Variants in PTPRD observed in about 807,000 individuals in gnomAD.
PTPRD encodes the protein protein tyrosine phosphatase receptor type D.
A neutral mutation model predicts 214.5 loss-of-function variants in PTPRD; 34 were observed. The ratio of observed to expected loss-of-function variants is 0.16; its 90% CI spans 0.12 to 0.21. PTPRD has a LOEUF of 0.21. Ranked by LOEUF, PTPRD falls within the 10% of genes least tolerant of loss-of-function variation. The pLI is 1.00. For missense variants in PTPRD, 2,545 were observed against 2,398.7 expected (o/e 1.06, Z -1.27); for synonymous variants, 1,128 against 845.7 (o/e 1.33, Z -5.79).
chr9:8,533,142 T>C (rs531236052), intron 14 of PTPRD, among the ~76,000 whole-genome samples: 1 of 152,186 alleles, frequency 6.6e-6, no homozygotes, highest in South Asian at 2.1e-4. Context: ...ACGATGCTCT[T>C]ACTTTCACTC....
chr9:9,488,456 G>A (rs1247907946), intron 8 of PTPRD, among the ~76,000 whole-genome samples: 5 of 152,176 alleles, frequency 3.3e-5, no homozygotes, highest in Admixed American at 6.5e-5. Context: ...AGCAACTGGA[G>A]AATAGTGTTT....
intron 14 of PTPRD, among the ~76,000 whole-genome samples, chr9:8,536,530 C>T (rs1000916990): frequency 2.6e-5 from 4 of 151,876 alleles, no homozygotes; most frequent in Non-Finnish European, 4.4e-5. Flanking sequence ...AGAATTCTGC[C>T]ATGTCTGTTA....
chr9:8,496,521 T>C (rs983556156), intron 26 of PTPRD, among the ~76,000 whole-genome samples: 1 of 152,184 alleles, frequency 6.6e-6, no homozygotes, highest in Non-Finnish European at 1.5e-5. Flanking sequence ...ATAAATAACA[T>C]AGAGTTTTCA....
intron 12 of PTPRD, among the ~76,000 whole-genome samples, chr9:8,643,745 C>A (rs994520740): frequency 2.6e-5 from 4 of 152,228 alleles, no homozygotes; most frequent in Non-Finnish European, 5.9e-5. Flanking sequence ...CTCAGCACCC[C>A]CAGACTTTAG....
intron 9 of PTPRD, among the ~76,000 whole-genome samples, chr9:9,362,249 C>T (rs925858046): frequency 1.3e-5 from 2 of 150,904 alleles, no homozygotes; most frequent in Admixed American, 6.6e-5. Context: ...CAAAAGCTTC[C>T]GTATTTATGA....
At chr9:10,316,350 TA>T (rs2096432372) in intron 3 of PTPRD, among the ~76,000 whole-genome samples, 1 of 151,818 alleles carries the variant, frequency 6.6e-6, no homozygotes, top group African/African-American at 2.4e-5. Flanking sequence ...TTAGTTATAG[TA>T]ACAGAAGACA....
intron 2 of PTPRD, among the ~76,000 whole-genome samples, chr9:10,495,203 G>C (rs987570621): frequency 2.6e-5 from 4 of 151,806 alleles, no homozygotes; most frequent in Non-Finnish European, 2.9e-5. Flanking sequence ...ATGGAGTAGA[G>C]TTATCAGAAA....
At chr9:9,450,651 T>C (rs1372500285) in intron 8 of PTPRD, among the ~76,000 whole-genome samples, 1 of 151,864 alleles carries the variant, frequency 6.6e-6, no homozygotes, top group African/African-American at 2.4e-5. Flanking sequence ...ATTTACATAA[T>C]GAAAATGTTT....
chr9:10,074,901 T>C (rs993803013), intron 3 of PTPRD, among the ~76,000 whole-genome samples: 1 of 152,168 alleles, frequency 6.6e-6, no homozygotes, highest in Non-Finnish European at 1.5e-5. Context: ...AACCTCTTTA[T>C]GAAAGATTTT....
intron 14 of PTPRD, among the ~76,000 whole-genome samples, chr9:8,566,066 C>G (rs1389931167): frequency 6.7e-6 from 1 of 148,188 alleles, no homozygotes; most frequent in African/African-American, 2.5e-5. Context: ...ACTGAAAATA[C>G]TTCCGCTGAA....
rs1280126295 is a variant in PTPRD at position 9,202,755 on chromosome 9, C to T, written c.-202-19392G>A. On this transcript the variant is annotated intron_variant, in intron 9 of 45. Transcript: ENST00000381196. ...GTAACCTGAGGACATGCTCAGTTAGCACTGAACACAACTGTTCAGTTATGG... is the reference window on the plus strand; with the variant it reads ...GTAACCTGAGGACATGCTCAGTTAGTACTGAACACAACTGTTCAGTTATGG... Among the ~76,000 whole-genome samples the T allele has an allele frequency of 2.9e-4, 44 of 152,198 alleles. 1 individual carries two copies. The highest frequency in any genetic ancestry group is 2.9e-3 in the Admixed American group (44 of 15,280).
At chr9:9,066,119 T>C (rs987742400) in intron 10 of PTPRD, among the ~76,000 whole-genome samples, 2 of 146,246 alleles carry the variant, frequency 1.4e-5, no homozygotes, top group Admixed American at 1.4e-4. Context: ...TGAAAATGAC[T>C]GAAGTTAATA....
intron 9 of PTPRD, among the ~76,000 whole-genome samples, chr9:9,218,599 G>T (rs533419511): frequency 2.0e-5 from 3 of 152,072 alleles, no homozygotes; most frequent in Non-Finnish European, 4.4e-5. Context: ...AAGTCCTTTG[G>T]TAACATATAT....
chr9:10,182,311 C>T (rs1017688222), intron 3 of PTPRD, among the ~76,000 whole-genome samples: 2 of 142,666 alleles, frequency 1.4e-5, no homozygotes, highest in Admixed American at 1.4e-4. Flanking sequence ...GCATTTACTG[C>T]ATCAAAATGA....
chr9:8,814,793 G>T (rs1472662113), intron 11 of PTPRD, among the ~76,000 whole-genome samples: 1 of 152,166 alleles, frequency 6.6e-6, no homozygotes, highest in Admixed American at 6.5e-5. Flanking sequence ...GTATGAGATA[G>T]ACAAAGGCTA....
rs1470027130 is a variant in PTPRD at position 9,149,368 on chromosome 9, G to T, written c.-143+33936C>A. ...TTTGCAATGTAGTGGTGGTGGTAAG[G>T]CAACAAAGATATGCAGAGAAAGATG... On this transcript the variant is annotated intron_variant, in intron 10 of 45. Coordinates refer to ENST00000381196, the MANE Select transcript of PTPRD (RefSeq NM_002839.4). Among the ~76,000 whole-genome samples the T allele has an allele frequency of 5.3e-5, 8 of 152,112 alleles. No homozygotes were observed. The East Asian group carries it at 1.4e-3, about 26-fold the overall frequency.
Position 8,735,773 on chromosome 9 carries a change from G to A in PTPRD, c.-103-1827C>T, listed in dbSNP as rs112141746. Among the ~76,000 whole-genome samples, 933 of 152,062 alleles carry A rather than the reference G, an allele frequency of 6.1e-3. 4 individuals are homozygous for A. Among genetic ancestry groups the A allele is most frequent in the African/African-American group, 0.021 (857 of 41,480 alleles). Reference sequence around the variant, plus strand: ...AAAAACACAAAAAAATTAGCCAGGCGTGGTGGTGCATACCTGTAATCCCAG... The same window carrying A: ...AAAAACACAAAAAAATTAGCCAGGCATGGTGGTGCATACCTGTAATCCCAG... On this transcript the variant is annotated intron_variant, in intron 11 of 45. Coordinates refer to ENST00000381196, the MANE Select transcript of PTPRD (RefSeq NM_002839.4).
At chr9:10,221,302 C>A (rs1167228044) in intron 3 of PTPRD, among the ~76,000 whole-genome samples, 1 of 152,020 alleles carries the variant, frequency 6.6e-6, no homozygotes, top group Non-Finnish European at 1.5e-5. Context: ...CGTGCACACA[C>A]ACATATACGC....
rs190592342 is a variant in PTPRD at position 8,708,908 on chromosome 9, T to A, written c.64+24872A>T. The stretch of plus-strand genomic sequence containing the variant: ...TATTATGTACACAGTGAAATCCTAC[T>A]CAGCCTTTAAAAAAAGAATGAAATG... On this transcript the variant is annotated intron_variant, in intron 12 of 45. Transcript: ENST00000381196. Among the ~76,000 whole-genome samples the A allele has an allele frequency of 5.3e-5, 8 of 152,204 alleles. No individual in the cohort carries two copies. The East Asian group carries it at 9.7e-4, about 18-fold the overall frequency.
Sources: allele counts gnomAD v4.1 joint callset (sites outside exome capture counted in the v4.1 genomes callset), GRCh38; gene constraint gnomAD v4.1.1; transcripts MANE v1.5; gene names NCBI Gene and HGNC (gene_info 2026-07-23, HGNC 2026-07-21).